CHL1: variants seen among roughly 807,000 people sequenced by gnomAD.
CHL1 encodes neural cell adhesion molecule L1-like protein.
A neutral mutation model predicts 141.9 loss-of-function variants in CHL1; 96 were observed. The observed-to-expected ratio is 0.68, with a 90% CI of 0.57 to 0.80. The LOEUF (loss-of-function observed/expected upper bound fraction) is 0.80. CHL1 is among the 30% of genes least tolerant of loss of function. The pLI, the probability that CHL1 is intolerant of heterozygous loss-of-function variation, is 0.00. For missense variants in CHL1, 1,820 were observed against 1,457.2 expected (o/e 1.25, Z -4.05); for synonymous variants, 613 against 502.2 (o/e 1.22, Z -2.95).
intron 1 of CHL1, among the ~76,000 whole-genome samples, chr3:209,792 C>A (rs1014639257): frequency 3.3e-5 from 5 of 152,340 alleles, no homozygotes; most frequent in African/African-American, 1.2e-4. Flanking sequence ...GAACCCAAAT[C>A]TTTTAAACGG....
At chr3:311,203 G>A (rs1699722999) in intron 2 of CHL1, among the ~76,000 whole-genome samples, 1 of 152,024 alleles carries the variant, frequency 6.6e-6, no homozygotes, top group Non-Finnish European at 1.5e-5. Context: ...GTTTTTTGTG[G>A]ACATAAGTTT....
intron 2 of CHL1, among the ~76,000 whole-genome samples, chr3:303,052 A>T (rs1299984828): frequency 2.0e-5 from 3 of 152,122 alleles, no homozygotes; most frequent in Non-Finnish European, 4.4e-5. Flanking sequence ...AGTTGGTTGT[A>T]GCTGCGTGGT....
At chr3:357,577 T>C (rs1342687094) in intron 11 of CHL1, among the ~76,000 whole-genome samples, 1 of 152,136 alleles carries the variant, frequency 6.6e-6, no homozygotes, top group Non-Finnish European at 1.5e-5. Flanking sequence ...TGAAGTTTCG[T>C]CCATTTTATT....
intron 3 of CHL1, among the ~76,000 whole-genome samples, chr3:322,930 T>C (rs1269711496): frequency 6.6e-6 from 1 of 151,764 alleles, no homozygotes; most frequent in Admixed American, 6.6e-5. Flanking sequence ...ATGATTATAA[T>C]TGTTGAAGCA....
intron 24 of CHL1, among the ~76,000 whole-genome samples, chr3:396,706 C>A (rs1234204588): frequency 6.6e-6 from 1 of 152,086 alleles, no homozygotes; most frequent in Non-Finnish European, 1.5e-5. Flanking sequence ...TGTTTGTGCT[C>A]TTTTTCAGGA....
At position 382,293 on chromosome 3, in the gene CHL1, G is replaced by A. The variant is rs1295857752; in HGVS notation, c.1978+13G>A. 2 of 1,607,310 alleles carry A rather than the reference G, an allele frequency of 1.2e-6. No homozygotes were observed. Among genetic ancestry groups the A allele is most frequent in the African/African-American group, 2.7e-5 (2 of 74,700 alleles). On this transcript the variant is annotated intron_variant, in intron 17 of 27. Coordinates refer to ENST00000256509, the MANE Select transcript of CHL1 (RefSeq NM_006614.4). ...AGCAATATTAGCGGTAGGAAGACTT[G>A]GGATAACTGTTTTCATTACTCTAGA...
rs1182395382 is a variant in CHL1, at chr3:391,147, A to T, written c.2779A>T (p.Thr927Ser). The T allele has an allele frequency of 1.7e-5, 28 of 1,609,988 alleles. No homozygotes were observed. Among genetic ancestry groups the T allele is most frequent in the Non-Finnish European group, 2.4e-5 (28 of 1,176,476 alleles). The change falls in exon 22 of 28, where the codon ACA becomes TCA. Residue 927 changes from threonine to serine, a missense_variant. Coordinates refer to ENST00000256509, the MANE Select transcript of CHL1 (RefSeq NM_006614.4). ...GPESEPYIFQTPEGVPEQPTF... is the reference protein window; with the variant it reads ...GPESEPYIFQSPEGVPEQPTF... ...TGAAAGTGAGCCTTATATATTTCAAACACCAGAAGGAGGTGAGAGGATAAT... is the reference window on the plus strand; with the variant it reads ...TGAAAGTGAGCCTTATATATTTCAATCACCAGAAGGAGGTGAGAGGATAAT...
intron 11 of CHL1, among the ~76,000 whole-genome samples, chr3:358,014 G>C (rs1361681594): frequency 2.0e-5 from 3 of 152,104 alleles, no homozygotes; most frequent in South Asian, 2.1e-4. Context: ...TTGCTAATTT[G>C]CAAGAAATAA....
chr3:306,272 TA>T (rs922341486), intron 2 of CHL1, among the ~76,000 whole-genome samples: 4 of 152,180 alleles, frequency 2.6e-5, no homozygotes, highest in African/African-American at 9.6e-5. Context: ...AAATGTGTCT[TA>T]AGTATCTGGA....
intron 10 of CHL1, among the ~76,000 whole-genome samples, chr3:351,628 A>T (rs1288709989): frequency 6.6e-6 from 1 of 152,146 alleles, no homozygotes. Context: ...TAGCAATGCT[A>T]TTGTATATTT....
At chr3:226,693 T>C (rs939717299) in intron 1 of CHL1, among the ~76,000 whole-genome samples, 1 of 152,040 alleles carries the variant, frequency 6.6e-6, no homozygotes, top group African/African-American at 2.4e-5. Context: ...CAGATCCACC[T>C]GCCTTGACCT....
At chr3:293,333 C>G (rs1697875711) in intron 2 of CHL1, among the ~76,000 whole-genome samples, 1 of 152,004 alleles carries the variant, frequency 6.6e-6, no homozygotes, top group Non-Finnish European at 1.5e-5. Context: ...GAAAACTTGT[C>G]TCTACTAAAA....
At chr3:343,870 C>T (rs1208173803) in intron 8 of CHL1, among the ~76,000 whole-genome samples, 3 of 152,126 alleles carry the variant, frequency 2.0e-5, no homozygotes, top group African/African-American at 4.8e-5. Context: ...GCACATAGTA[C>T]ATATTCAACA....
intron 26 of CHL1, among the ~76,000 whole-genome samples, chr3:401,422 C>T (rs754232527): frequency 3.3e-5 from 5 of 152,120 alleles, no homozygotes; most frequent in Admixed American, 6.6e-5. Context: ...ACAAGTAGAA[C>T]CCCCCAAAAT....
At chr3:211,236 A>G (rs1167434900) in intron 1 of CHL1, among the ~76,000 whole-genome samples, 2 of 152,220 alleles carry the variant, frequency 1.3e-5, no homozygotes, top group African/African-American at 4.8e-5. Context: ...AAAAGGAAGC[A>G]GGCTTTCTGC....
intron 2 of CHL1, among the ~76,000 whole-genome samples, chr3:272,203 C>G (rs900583414): frequency 9.2e-5 from 14 of 152,128 alleles, no homozygotes; most frequent in African/African-American, 2.7e-4. Flanking sequence ...AAACACATTA[C>G]ATTTGTATAA....
At chr3:259,157 G>C (rs1258286488) in intron 2 of CHL1, among the ~76,000 whole-genome samples, 1 of 152,042 alleles carries the variant, frequency 6.6e-6, no homozygotes, top group Non-Finnish European at 1.5e-5. Flanking sequence ...CTGGGCTCAA[G>C]TGATCTGCCC....
At chr3:284,854 G>T (rs9990005) in intron 2 of CHL1, among the ~76,000 whole-genome samples, 1 of 151,872 alleles carries the variant, frequency 6.6e-6, no homozygotes, top group Non-Finnish European at 1.5e-5. Context: ...CTATGAGTAC[G>T]TGGATTCATT....
At chr3:215,254 A>C (rs1700221187) in intron 1 of CHL1, among the ~76,000 whole-genome samples, 1 of 152,194 alleles carries the variant, frequency 6.6e-6, no homozygotes, top group Admixed American at 6.6e-5. Context: ...AAATCCTGTC[A>C]TTGTGGTAAC....
Sources: gnomAD v4.1 joint callset for allele counts (sites outside exome capture counted in the v4.1 genomes callset) on GRCh38, gnomAD v4.1.1 for gene constraint, MANE v1.5 for transcripts, NCBI Gene and HGNC (gene_info 2026-07-23, HGNC 2026-07-21) for gene names.